The following KDSR variants were observed in gnomAD, a reference collection of about 807,000 sequenced individuals.
KDSR encodes 3-ketodihydrosphingosine reductase.
A neutral mutation model predicts 41.3 loss-of-function variants in KDSR; 23 were observed. The observed-to-expected ratio is 0.56, with a 90% CI of 0.40 to 0.79. The LOEUF is 0.79. Among genes scored for constraint, KDSR ranks in the 30% least tolerant of loss-of-function variants. KDSR has a pLI of 0.00. For synonymous variants in KDSR, 138 were observed against 151.7 expected, an observed-to-expected ratio of 0.91 and a Z score of 0.66; for missense variants, 351 against 416.8, an observed-to-expected ratio of 0.84 and a Z score of 1.37.
Position 63,329,812 on chromosome 18 carries a change from T to C in KDSR, c.*1970A>G, listed in dbSNP as rs1003673964. 2 of 194,692 alleles carry C rather than the reference T, an allele frequency of 1.0e-5. No individual in the cohort carries two copies. The highest frequency in any genetic ancestry group is 4.6e-5 in the African/African-American group (2 of 43,198). 12.1% of individuals were successfully genotyped at this position (194,692 alleles called of 1,614,324 possible). A position where few individuals can be genotyped will look rare whatever the true frequency, so the allele number is the denominator to read the frequency against. On this transcript the variant is annotated 3_prime_UTR_variant, in exon 10 of 10. Coordinates refer to ENST00000645214, the MANE Select transcript of KDSR (RefSeq NM_002035.4). ...AGAAGGTGCCAACATTCGAGGAACA[T>C]TTATGAGAAAAGAATAAAACTGAGA...
chr18:63,359,985 C>T (rs1165123056), intron 2 of KDSR, among the ~76,000 whole-genome samples, 193 bp from the exon 3 acceptor site: 1 of 152,100 alleles, frequency 6.6e-6, no homozygotes, highest in Non-Finnish European at 1.5e-5. Flanking sequence ...GTATGTTAAG[C>T]TATGAATAAG....
intron 2 of KDSR, 52 bp from the exon 3 acceptor site, chr18:63,359,844 G>T: frequency 8.2e-7 from 1 of 1,219,806 alleles, no homozygotes; most frequent in Non-Finnish European, 1.2e-6. Flanking sequence ...ATGCATGTCC[G>T]TTTATTGCAA....
intron 1 of KDSR, among the ~76,000 whole-genome samples, chr18:63,363,537 C>A (rs1412605497): frequency 6.6e-6 from 1 of 150,616 alleles, no homozygotes; most frequent in Admixed American, 6.6e-5. Flanking sequence ...CATGTCCCTA[C>A]AAAGGATATG....
intron 9 of KDSR, among the ~76,000 whole-genome samples, chr18:63,333,346 A>G (rs1914068948): frequency 6.6e-6 from 1 of 152,196 alleles, no homozygotes; most frequent in Admixed American, 6.5e-5. Context: ...TTGGCCTCCC[A>G]AAGTGCTGAG....
At chr18:63,350,768 T>C (rs1459157118) in intron 6 of KDSR, 120 bp downstream of exon 6, 9 of 743,984 alleles carry the variant, frequency 1.2e-5, no homozygotes, top group Non-Finnish European at 1.9e-5. Context: ...CTTTCACCAA[T>C]GTCAAACCTA....
chr18:63,340,010 T>G (rs980706191), intron 7 of KDSR, among the ~76,000 whole-genome samples: 4 of 152,226 alleles, frequency 2.6e-5, no homozygotes, highest in African/African-American at 9.6e-5. Flanking sequence ...GAGCCACGAT[T>G]CATTCTTCCA....
intron 9 of KDSR, among the ~76,000 whole-genome samples, chr18:63,333,006 TAAAG>T (rs917394135): frequency 3.4e-4 from 52 of 151,232 alleles, no homozygotes; most frequent in African/African-American, 1.1e-3. Flanking sequence ...AGAAGATGGG[TAAAG>T]AAAGAAAGAA....
intron 5 of KDSR, 123 bp from the exon 6 acceptor site, chr18:63,351,202 G>C (rs1415586073): frequency 1.1e-5 from 8 of 707,716 alleles, no homozygotes; most frequent in African/African-American, 3.6e-5. Flanking sequence ...AGCCCAACAG[G>C]CTTGCTGAAT....
chr18:63,343,996 G>C (rs1914425737), intron 7 of KDSR, among the ~76,000 whole-genome samples: 1 of 152,140 alleles, frequency 6.6e-6, no homozygotes, highest in East Asian at 1.9e-4. Context: ...GGGCGACATA[G>C]TGAGACTCCA....
intron 8 of KDSR, 31 bp from the exon 9 acceptor site, chr18:63,335,389 G>C: frequency 6.2e-6 from 9 of 1,454,334 alleles, no homozygotes; most frequent in Non-Finnish European, 8.7e-6. Flanking sequence ...GAGAAAGAGG[G>C]AATCCTAGTA....
chr18:63,339,031 T>C (rs1178770591), intron 7 of KDSR, 148 bp from the exon 8 acceptor site: 2 of 589,988 alleles, frequency 3.4e-6, no homozygotes, highest in African/African-American at 3.8e-5. Context: ...CCATCTGGAT[T>C]CTAAATCAGT....
rs143957799 is a variant in KDSR, at chr18:63,354,624, C to T, written c.417+580G>A. 2.4e-4 allele frequency among the ~76,000 whole-genome samples: 36 copies of T among 152,076 alleles called. No individual in the cohort carries two copies. The East Asian group carries it at 6.0e-3, about 25-fold the overall frequency. On this transcript the variant is annotated intron_variant, in intron 5 of 9. Coordinates refer to ENST00000645214, the MANE Select transcript of KDSR (RefSeq NM_002035.4). Reference sequence around the variant, plus strand: ...TGGAGGTTGCAGTGAGCTGAGATCACGCCACTGCACTCCAGCCTGAGTGAC... The same window carrying T: ...TGGAGGTTGCAGTGAGCTGAGATCATGCCACTGCACTCCAGCCTGAGTGAC...
At position 63,362,766 on chromosome 18, in the gene KDSR, C is replaced by G. The variant is rs3744939; in HGVS notation, c.198+13G>C. On this transcript the variant is annotated intron_variant, in intron 2 of 9. Coordinates refer to ENST00000645214, the MANE Select transcript of KDSR (RefSeq NM_002035.4). ...AAGAAGCAAGTCAGTAATAATGAAC[C>G]TAGAAGCCTTACCTCATTTCGTGCA... The G allele has an allele frequency of 6.6e-5, 104 of 1,579,564 alleles. 1 individual carries two copies. The East Asian group carries it at 2.2e-3, about 34-fold the overall frequency.
chr18:63,354,601 G>A (rs1445320885), intron 5 of KDSR, among the ~76,000 whole-genome samples: 1 of 152,172 alleles, frequency 6.6e-6, no homozygotes, highest in African/African-American at 2.4e-5. Context: ...TTGAGAGGTG[G>A]AGGTTGCAGT....
intron 2 of KDSR, among the ~76,000 whole-genome samples, chr18:63,361,017 A>ATATATATAT (rs761703297): frequency 0.05 from 5,245 of 104,858 alleles, 250 homozygotes; most frequent in East Asian, 0.23. Flanking sequence ...TATATATATA[A>ATATATATAT]AATATATAAT....
rs1375866892 is a variant in KDSR, at chr18:63,335,329, T to C, written c.807A>G (p.Ser269=). The C allele has an allele frequency of 1.9e-6, 3 of 1,613,962 alleles. No individual in the cohort carries two copies. Among genetic ancestry groups the C allele is most frequent in the South Asian group, 1.1e-5 (1 of 91,068 alleles). ...IQGNFNSSLG[S]DGYMLSALTC... is the part of the protein sequence containing the mutation. The stretch of plus-strand genomic sequence containing the variant: ...TCAGGGCCGAGAGCATGTACCCATC[T>C]GAGCCAAGGGAACTGTTGAAATTTC... The change falls in exon 9 of 10, where the codon TCA becomes TCG. Residue 269 remains serine (S), a synonymous_variant. Coordinates refer to ENST00000645214, the MANE Select transcript of KDSR (RefSeq NM_002035.4).
intron 3 of KDSR, chr18:63,359,474 T>TAA: frequency 2.9e-5 from 10 of 346,264 alleles, no homozygotes; most frequent in East Asian, 4.7e-5. Context: ...TAAAGTTCAT[T>TAA]AAAAAAAAAA....
At chr18:63,342,585 A>C (rs1914373164) in intron 7 of KDSR, among the ~76,000 whole-genome samples, 1 of 152,250 alleles carries the variant, frequency 6.6e-6, no homozygotes, top group Admixed American at 6.5e-5. Context: ...AAAGGCAAGA[A>C]AGGAAATGTC....
rs1260352289 is a variant in KDSR at position 63,331,177 on chromosome 18, A to AGTCCT, written c.*600_*604dup. On this transcript the variant is annotated 3_prime_UTR_variant, in exon 10 of 10. Coordinates refer to ENST00000645214, the MANE Select transcript of KDSR (RefSeq NM_002035.4). ...ATGAGTTTCCACCAGCAGCAGAGTG[A>AGTCCT]GTCCTGAGCACAACACAGGGCTGTC... 8.6e-5 allele frequency: 20 copies of AGTCCT among 233,274 alleles called. No individual in the cohort carries two copies. The East Asian group carries it at 1.2e-3, about 14-fold the overall frequency. 14.5% of individuals were successfully genotyped at this position (233,274 alleles called of 1,614,324 possible).
Sources: gnomAD v4.1 joint callset for allele counts (sites outside exome capture counted in the v4.1 genomes callset) on GRCh38, gnomAD v4.1.1 for gene constraint, MANE v1.5 for transcripts, NCBI Gene and HGNC (gene_info 2026-07-23, HGNC 2026-07-21) for gene names.